SIPA1L3: variants seen among roughly 807,000 people sequenced by gnomAD.
The protein encoded by SIPA1L3 is signal induced proliferation associated 1 like 3.
A neutral mutation model predicts 150.1 loss-of-function variants in SIPA1L3; 59 were observed. The observed-to-expected ratio is 0.39, with a 90% CI of 0.32 to 0.49. SIPA1L3 has a LOEUF of 0.49. Ranked by LOEUF, SIPA1L3 falls within the 20% of genes least tolerant of loss-of-function variation. SIPA1L3 has a pLI of 0.86. For missense variants in SIPA1L3, 2,211 were observed against 2,489.5 expected (o/e 0.89, Z 2.38); for synonymous variants, 1,070 against 1,077.6 (o/e 0.99, Z 0.14).
At chr19:37,952,399 G>A (rs997796105) in intron 1 of SIPA1L3, among the ~76,000 whole-genome samples, 2 of 152,144 alleles carry the variant, frequency 1.3e-5, no homozygotes. Flanking sequence ...TCTGCCAGGC[G>A]CAGTGGCTCA....
At chr19:38,159,159 C>T (rs1361728703) in intron 13 of SIPA1L3, among the ~76,000 whole-genome samples, 2 of 152,204 alleles carry the variant, frequency 1.3e-5, no homozygotes, top group Non-Finnish European at 2.9e-5. Flanking sequence ...ATCCATGGTT[C>T]CCCAGTGAAA....
intron 3 of SIPA1L3, among the ~76,000 whole-genome samples, chr19:38,084,964 T>C (rs1336112858): frequency 6.6e-6 from 1 of 152,016 alleles, no homozygotes; most frequent in Non-Finnish European, 1.5e-5. Context: ...TTTAAAAATA[T>C]TTAAAGTAAT....
In SIPA1L3 at chr19:38,047,650, G is replaced by A. The variant is rs1003552644; in HGVS notation, c.-311+18494G>A. 1.3e-5 allele frequency among the ~76,000 whole-genome samples: 2 copies of A among 152,192 alleles called. No individual in the cohort carries two copies. Among genetic ancestry groups the A allele is most frequent in the Admixed American group, 6.5e-5 (1 of 15,282 alleles). On this transcript the variant is annotated intron_variant, in intron 2 of 21. Coordinates refer to ENST00000222345, the MANE Select transcript of SIPA1L3 (RefSeq NM_015073.3). This position sits in a 1 kb window ranked among gnomAD's most constrained non-coding sequence, Gnocchi z 4.7. Reference sequence around the variant, plus strand: ...ACCCGGGCCGGGCTGACCCCAGAGCGCACGCTCCTTTGCCCGCCCCTGCCA... The same window carrying A: ...ACCCGGGCCGGGCTGACCCCAGAGCACACGCTCCTTTGCCCGCCCCTGCCA...
At chr19:38,110,480 G>A (rs1001864941) in intron 8 of SIPA1L3, 96 bp downstream of exon 8, 7 of 1,013,452 alleles carry the variant, frequency 6.9e-6, no homozygotes, top group Middle Eastern at 2.1e-4. Flanking sequence ...CACACCTCAC[G>A]TTGTGCTTCA....
chr19:38,094,545 C>G (rs1327481910), intron 4 of SIPA1L3, among the ~76,000 whole-genome samples: 1 of 152,164 alleles, frequency 6.6e-6, no homozygotes, highest in Non-Finnish European at 1.5e-5. Context: ...GCCACTGCAC[C>G]TGGCTGTGTG....
At chr19:38,064,138 G>A (rs960445461) in intron 2 of SIPA1L3, among the ~76,000 whole-genome samples, 1 of 152,246 alleles carries the variant, frequency 6.6e-6, no homozygotes, top group Admixed American at 6.5e-5. Flanking sequence ...TCATTAGAGC[G>A]AATAGGACTG....
intron 15 of SIPA1L3, among the ~76,000 whole-genome samples, chr19:38,177,549 C>A (rs1227902746): frequency 6.6e-6 from 1 of 151,986 alleles, no homozygotes; most frequent in African/African-American, 2.4e-5. Context: ...GTATAAAATT[C>A]TACTTTATTT....
chr19:38,022,284 C>T (rs868826635), intron 1 of SIPA1L3, among the ~76,000 whole-genome samples: 4 of 152,272 alleles, frequency 2.6e-5, no homozygotes, highest in Middle Eastern at 3.4e-3. Context: ...AAAACAGAGC[C>T]GGGAATGGTG....
Position 38,206,272 on chromosome 19 carries a change from C to G in SIPA1L3, c.*32C>G. ...AGGCCGCCGCCCGCCTTCGCTCCTT[C>G]CCCTCAGGCCGTGGCCCTGCTGCCT... is the stretch of plus-strand genomic sequence containing the variant. On this transcript the variant is annotated 3_prime_UTR_variant, in exon 22 of 22. Coordinates refer to ENST00000222345, the MANE Select transcript of SIPA1L3 (RefSeq NM_015073.3). 6.6e-7 allele frequency: 1 copy of G among 1,512,794 alleles called. No homozygotes were observed. The highest frequency in any genetic ancestry group is 8.9e-7 in the Non-Finnish European group (1 of 1,123,768). The allele number at this position is 1,512,794 out of a possible 1,614,324, so 93.7% of individuals were successfully genotyped here.
At chr19:37,907,431 G>C (rs892646269) in intron 1 of SIPA1L3, 73 bp downstream of exon 1, 4 of 152,266 alleles carry the variant, frequency 2.6e-5, no homozygotes, top group African/African-American at 9.6e-5. Context: ...GGACCCCGAG[G>C]GTCAGCGCGG....
intron 12 of SIPA1L3, among the ~76,000 whole-genome samples, chr19:38,145,427 G>A (rs1971681350): frequency 6.6e-6 from 1 of 151,654 alleles, no homozygotes; most frequent in Non-Finnish European, 1.5e-5. Context: ...CAGCTACTCA[G>A]GAGGCTGAAG....
chr19:38,173,721 G>T (rs1972378638), intron 15 of SIPA1L3: 1 of 152,346 alleles, frequency 6.6e-6, no homozygotes, highest in Non-Finnish European at 1.5e-5. Flanking sequence ...GCCTGTGAGT[G>T]TTGGGAGGCT....
At chr19:37,911,456 C>T (rs886866698) in intron 1 of SIPA1L3, among the ~76,000 whole-genome samples, 9 of 151,954 alleles carry the variant, frequency 5.9e-5, no homozygotes, top group East Asian at 1.9e-4. Flanking sequence ...AGAGAGACCA[C>T]GCTTTATTCC....
intron 13 of SIPA1L3, among the ~76,000 whole-genome samples, chr19:38,159,443 G>A (rs1972024602): frequency 6.6e-6 from 1 of 152,198 alleles, no homozygotes; most frequent in South Asian, 2.1e-4. Flanking sequence ...CACTCCTGTA[G>A]TGGACATCCT....
At chr19:37,993,295 A>G (rs1404107948) in intron 1 of SIPA1L3, among the ~76,000 whole-genome samples, 1 of 152,152 alleles carries the variant, frequency 6.6e-6, no homozygotes. Flanking sequence ...GCACAGAGAA[A>G]GTTCTCATTG....
chr19:38,201,555 G>A (rs956187285), intron 19 of SIPA1L3, among the ~76,000 whole-genome samples: 8 of 152,308 alleles, frequency 5.3e-5, no homozygotes, highest in Middle Eastern at 3.4e-3. Context: ...AGCACGCCAG[G>A]TTCGGAATCC....
intron 2 of SIPA1L3, among the ~76,000 whole-genome samples, chr19:38,038,589 A>AC (rs1491468607): frequency 3.9e-4 from 2 of 5,186 alleles, no homozygotes; most frequent in East Asian, 0.032. Flanking sequence ...ACTCCGTCTC[A>AC]AAAAAAAAAA....
intron 2 of SIPA1L3, among the ~76,000 whole-genome samples, chr19:38,078,438 G>GCACACACACACACACACA (rs66830496): frequency 4.3e-5 from 6 of 138,898 alleles, no homozygotes; most frequent in African/African-American, 1.6e-4. Flanking sequence ...GCGCATACAT[G>GCACACACACACACACACA]CACACACACA....
intron 1 of SIPA1L3, among the ~76,000 whole-genome samples, chr19:37,975,767 G>A (rs978670333): frequency 7.2e-5 from 11 of 152,190 alleles, no homozygotes; most frequent in Non-Finnish European, 1.5e-5. Context: ...GGTTGTGGGA[G>A]TCAGGGGTGC....
Sources: allele counts gnomAD v4.1 joint callset (sites outside exome capture counted in the v4.1 genomes callset), GRCh38; gene constraint gnomAD v4.1.1; non-coding constraint Gnocchi (gnomAD v3.1); transcripts MANE v1.5; gene names NCBI Gene and HGNC (gene_info 2026-07-23, HGNC 2026-07-21).